The following DENND5B variants were observed in gnomAD, a reference collection of about 807,000 sequenced individuals.
The protein encoded by DENND5B is DENN domain-containing protein 5B.
DENND5B carries 34 observed loss-of-function variants against 140.6 expected under a neutral mutation model. That is an observed-to-expected ratio of 0.24 (90% CI 0.18 to 0.32). The LOEUF is 0.32. DENND5B is among the 10% of genes least tolerant of loss of function. The pLI is 1.00. For synonymous variants in DENND5B, 551 were observed against 562.1 expected (o/e 0.98, Z 0.28); for missense variants, 1,142 against 1,560.2 (o/e 0.73, Z 4.52).
intron 3 of DENND5B, among the ~76,000 whole-genome samples, chr12:31,473,740 G>A (rs1027094489): frequency 6.6e-6 from 1 of 152,128 alleles, no homozygotes; most frequent in Non-Finnish European, 1.5e-5. Flanking sequence ...AAATATCCAC[G>A]GTATCTAAGG....
At chr12:31,549,945 A>G (rs1484612699) in intron 1 of DENND5B, among the ~76,000 whole-genome samples, 1 of 152,178 alleles carries the variant, frequency 6.6e-6, no homozygotes, top group Non-Finnish European at 1.5e-5. Flanking sequence ...TCTTTGTAAC[A>G]GGATGATTTA....
At chr12:31,577,695 A>T (rs186576304) in intron 1 of DENND5B, among the ~76,000 whole-genome samples, 2 of 141,430 alleles carry the variant, frequency 1.4e-5, no homozygotes, top group East Asian at 2.1e-4. Context: ...TGGGCGACAG[A>T]ACGAGACTCT....
intron 1 of DENND5B, among the ~76,000 whole-genome samples, chr12:31,547,631 C>T (rs543375147): frequency 2.0e-5 from 3 of 152,138 alleles, no homozygotes; most frequent in Admixed American, 6.6e-5. Flanking sequence ...ATTCTGACCT[C>T]GTGATCCACT....
chr12:31,426,215 G>C, intron 9 of DENND5B, 78 bp downstream of exon 9: 3 of 1,469,162 alleles, frequency 2.0e-6, no homozygotes, highest in Non-Finnish European at 1.8e-6. Flanking sequence ...TTAAATGGGG[G>C]TTAACTCAGT....
At chr12:31,425,420 A>G (rs1722235016) in intron 9 of DENND5B, among the ~76,000 whole-genome samples, 2 of 152,234 alleles carry the variant, frequency 1.3e-5, no homozygotes, top group African/African-American at 4.8e-5. Flanking sequence ...TTAGCATACT[A>G]AAGATTCTTG....
At chr12:31,461,613 C>T (rs1945023991) in intron 3 of DENND5B, among the ~76,000 whole-genome samples, 1 of 152,134 alleles carries the variant, frequency 6.6e-6, no homozygotes, top group Non-Finnish European at 1.5e-5. Context: ...TAATTAAATA[C>T]ATTAATATTT....
chr12:31,552,773 A>T (rs183944254), intron 1 of DENND5B, among the ~76,000 whole-genome samples: 3,126 of 152,154 alleles, frequency 0.021, 56 homozygotes, highest in South Asian at 0.053. Flanking sequence ...CAGAGATTCA[A>T]CTTCTTCCTG....
intron 3 of DENND5B, among the ~76,000 whole-genome samples, chr12:31,464,583 C>G (rs1469363813): frequency 6.6e-6 from 1 of 152,082 alleles, no homozygotes; most frequent in Non-Finnish European, 1.5e-5. Context: ...TTTTTGGAGA[C>G]AGGGTCTCAC....
chr12:31,422,744 G>GA (rs1487423281), intron 11 of DENND5B, among the ~76,000 whole-genome samples: 1 of 152,060 alleles, frequency 6.6e-6, no homozygotes, highest in Non-Finnish European at 1.5e-5. Context: ...TTTACATAAA[G>GA]AAAAGCATGT....
intron 7 of DENND5B, among the ~76,000 whole-genome samples, chr12:31,439,672 G>A (rs1027553112): frequency 5.9e-5 from 9 of 152,084 alleles, no homozygotes; most frequent in Non-Finnish European, 1.3e-4. Flanking sequence ...GCTCACGCCT[G>A]TAATCCCAGC....
At chr12:31,585,602 C>T (rs1376901533) in intron 1 of DENND5B, among the ~76,000 whole-genome samples, 1 of 152,240 alleles carries the variant, frequency 6.6e-6, no homozygotes, top group East Asian at 1.9e-4. Flanking sequence ...GTGTCTACTG[C>T]TGATCAAATG....
intron 1 of DENND5B, chr12:31,499,721 A>T (rs757880590): frequency 2.2e-6 from 3 of 1,367,888 alleles, no homozygotes; most frequent in Non-Finnish European, 2.8e-6. Context: ...ATAAAAACAA[A>T]CAAAAAGCAA....
chr12:31,411,887 T>C (rs76970913), intron 13 of DENND5B, among the ~76,000 whole-genome samples: 1 of 152,248 alleles, frequency 6.6e-6, no homozygotes, highest in East Asian at 1.9e-4. Context: ...TGCCTAACTT[T>C]GCTCCTTAGA....
chr12:31,445,139 G>A (rs1944221102), intron 6 of DENND5B, among the ~76,000 whole-genome samples: 3 of 152,180 alleles, frequency 2.0e-5, no homozygotes, highest in South Asian at 2.1e-4. Flanking sequence ...AGGGAGGGCC[G>A]TCAGGTGATA....
intron 2 of DENND5B, among the ~76,000 whole-genome samples, chr12:31,485,176 C>T (rs567403103): frequency 6.6e-6 from 1 of 152,230 alleles, no homozygotes; most frequent in South Asian, 2.1e-4. Flanking sequence ...CAGAAAGGGC[C>T]CAATTCTTTT....
chr12:31,540,977 G>T (rs1424151670), intron 1 of DENND5B: 1 of 454,362 alleles, frequency 2.2e-6, no homozygotes, highest in South Asian at 1.6e-5. Context: ...TCAGTCAATG[G>T]TGCTGGGAAA....
At chr12:31,585,623 G>A (rs1299387641) in intron 1 of DENND5B, among the ~76,000 whole-genome samples, 1 of 152,156 alleles carries the variant, frequency 6.6e-6, no homozygotes, top group Non-Finnish European at 1.5e-5. Flanking sequence ...TAATCTGAGA[G>A]GGCCCTTAAT....
intron 1 of DENND5B, among the ~76,000 whole-genome samples, chr12:31,500,112 T>A (rs1360790162): frequency 4.6e-5 from 7 of 152,238 alleles, no homozygotes; most frequent in Non-Finnish European, 1.0e-4. Flanking sequence ...AGGTTGAGCA[T>A]CCTTAATTAG....
intron 7 of DENND5B, among the ~76,000 whole-genome samples, chr12:31,436,591 A>G (rs913628182): frequency 6.6e-6 from 1 of 150,908 alleles, no homozygotes; most frequent in Non-Finnish European, 1.5e-5. Context: ...CTGGAGTGCA[A>G]TGCCGCAATC....
Sources: gnomAD v4.1 joint callset for allele counts (sites outside exome capture counted in the v4.1 genomes callset) on GRCh38, gnomAD v4.1.1 for gene constraint, MANE v1.5 for transcripts, NCBI Gene and HGNC (gene_info 2026-07-23, HGNC 2026-07-21) for gene names.